Variants in SYNE2 observed in about 807,000 individuals in gnomAD.
The protein encoded by SYNE2 is nesprin-2.
Under a neutral mutation model 856.3 loss-of-function variants are expected in SYNE2, and 431 were observed. That is an observed-to-expected ratio of 0.50 (90% CI 0.47 to 0.55). The LOEUF (loss-of-function observed/expected upper bound fraction) is 0.55. SYNE2 is among the 20% of genes least tolerant of loss of function. The pLI is 0.00. For missense variants in SYNE2, 8,129 were observed against 8,023.2 expected, an observed-to-expected ratio of 1.01 and a Z score of -0.50; for synonymous variants, 2,923 against 2,872.3, an observed-to-expected ratio of 1.02 and a Z score of -0.56.
intron 97 of SYNE2, among the ~76,000 whole-genome samples, chr14:64,187,636 TCTC>T (rs2098498907): frequency 6.6e-6 from 1 of 152,164 alleles, no homozygotes; most frequent in African/African-American, 2.4e-5. Flanking sequence ...TTCAGTATTT[TCTC>T]CTCCGAAAAG....
Position 63,941,695 on chromosome 14 carries a change from C to G in SYNE2, c.142C>G (p.His48Asp). 6.2e-7 allele frequency: 1 copy of G among 1,613,520 alleles called. No individual in the cohort carries two copies. The highest frequency in any genetic ancestry group is 1.6e-4 in the Middle Eastern group (1 of 6,062). The change falls in exon 4 of 116, where the codon CAC becomes GAC. Residue 48 changes from histidine to aspartate, a missense_variant and splice_region_variant. His to Asp is a moderately conservative substitution (Grantham distance 81, BLOSUM62 -1). Coordinates refer to ENST00000555002, the MANE Select transcript of SYNE2 (RefSeq NM_182914.3). ...TCWINSQLAR[H>D]TSPSVISDLF... Reference sequence around the variant, plus strand: ...TTATTTTTCTTGTGACCTTCTGCAGCACACTTCTCCCTCAGTTATATCCGA... The same window carrying G: ...TTATTTTTCTTGTGACCTTCTGCAGGACACTTCTCCCTCAGTTATATCCGA...
intron 55 of SYNE2, among the ~76,000 whole-genome samples, chr14:64,079,359 A>G (rs1482574582): frequency 6.6e-6 from 1 of 152,250 alleles, no homozygotes; most frequent in Non-Finnish European, 1.5e-5. Flanking sequence ...ATTCGCAAGT[A>G]AACTCCAGCA....
intron 38 of SYNE2, 45 bp downstream of exon 38, chr14:64,022,908 A>G (rs1472763514): frequency 1.0e-6 from 1 of 982,426 alleles, no homozygotes; most frequent in Non-Finnish European, 1.6e-6. Context: ...TCAATACTAA[A>G]ATACTGGAGG....
intron 19 of SYNE2, among the ~76,000 whole-genome samples, chr14:63,988,494 A>G (rs1450359198): frequency 6.6e-6 from 1 of 152,242 alleles, no homozygotes; most frequent in Non-Finnish European, 1.5e-5. Context: ...TGATAAATGA[A>G]CATGCTAATT....
Position 64,007,769 on chromosome 14 carries a change from G to A in SYNE2, c.4577+547G>A, listed in dbSNP as rs114849312. Among the ~76,000 whole-genome samples, 1,487 of 152,170 alleles carry A rather than the reference G, an allele frequency of 9.8e-3. 27 individuals carry two copies. Among genetic ancestry groups the A allele is most frequent in the African/African-American group, 0.034 (1,404 of 41,504 alleles). ...CTCATGCCTGTAATCCCAGCACTTT[G>A]GGAGGCTGGGGTGGCCGGATCACCT... is the stretch of plus-strand genomic sequence containing the variant. On this transcript the variant is annotated intron_variant, in intron 31 of 115. Transcript: ENST00000555002.
intron 1 of SYNE2, among the ~76,000 whole-genome samples, chr14:63,859,427 A>G (rs185987009): frequency 8.2e-4 from 124 of 152,056 alleles, no homozygotes; most frequent in African/African-American, 3.0e-3. Flanking sequence ...CTTTTCTGAT[A>G]TAGGTGTTTA....
At chr14:64,176,609 G>A (rs1458833649) in intron 95 of SYNE2, among the ~76,000 whole-genome samples, 9 of 152,052 alleles carry the variant, frequency 5.9e-5, no homozygotes, top group Non-Finnish European at 1.5e-5. Flanking sequence ...AGACAAGGAA[G>A]GTGGCTGAGT....
rs1200421419 is a variant in SYNE2 at position 64,208,923 on chromosome 14, A to G, written c.18367A>G (p.Met6123Val). The change falls in exon 101 of 116, where the codon ATG becomes GTG. Residue 6123 changes from methionine (M) to valine (V), a missense_variant. By Grantham distance (21) the Met-to-Val change is conservative. This residue lies in a region of SYNE2 where 5,410 missense variants were observed against 5,284.8 expected (regional missense o/e 1.02). Coordinates refer to ENST00000555002, the MANE Select transcript of SYNE2 (RefSeq NM_182914.3). ...CAGACGCTGGAGGAACATTTGTGCC[A>G]TGTCCATGGAGCGGCGCATGAAGTA... ...LDRRWRNICA[M>V]SMERRMKIEE... 6.2e-6 allele frequency: 10 copies of G among 1,614,144 alleles called. No individual in the cohort carries two copies. The highest frequency in any genetic ancestry group is 8.5e-6 in the Non-Finnish European group (10 of 1,180,026).
At chr14:63,766,632 T>C (rs1886695990) in intron 1 of SYNE2, among the ~76,000 whole-genome samples, 1 of 152,210 alleles carries the variant, frequency 6.6e-6, no homozygotes. Flanking sequence ...CCATTAATTA[T>C]TCTTCTAGGT....
intron 1 of SYNE2, among the ~76,000 whole-genome samples, chr14:63,808,260 G>T (rs780675364): frequency 1.3e-5 from 2 of 151,678 alleles, no homozygotes; most frequent in Admixed American, 1.3e-4. Flanking sequence ...AATCTGCCTC[G>T]GGTGGATCAC....
chr14:63,866,059 T>C (rs1895234073), intron 1 of SYNE2, among the ~76,000 whole-genome samples: 1 of 152,174 alleles, frequency 6.6e-6, no homozygotes, highest in Non-Finnish European at 1.5e-5. Context: ...TCTCAAATCC[T>C]TCCCTGTAGA....
At chr14:64,189,017 A>AG (rs2098505077) in intron 98 of SYNE2, 1 of 702,136 alleles carries the variant, frequency 1.4e-6, no homozygotes, top group East Asian at 2.7e-5. Flanking sequence ...CAAGTGAGTT[A>AG]GGGTTTCTCT....
At chr14:63,825,405 A>T (rs780557471) in intron 1 of SYNE2, among the ~76,000 whole-genome samples, 1 of 152,186 alleles carries the variant, frequency 6.6e-6, no homozygotes, top group Non-Finnish European at 1.5e-5. Flanking sequence ...AGGTTGCAAG[A>T]TATAAGAGCA....
At chr14:63,950,771 C>G (rs2096140693) in intron 7 of SYNE2, among the ~76,000 whole-genome samples, 1 of 152,106 alleles carries the variant, frequency 6.6e-6, no homozygotes, top group African/African-American at 2.4e-5. Flanking sequence ...ATCCTTCCAC[C>G]TTAGCCTCCT....
In SYNE2 at chr14:63,940,379, T is replaced by C. The variant is rs2095895010; in HGVS notation, c.80-235T>C. ...TCCTAATTCTTTTATCAGTAAAAAA[T>C]ATTAAAAACCATTGTCTCGTCAACA... is the stretch of plus-strand genomic sequence containing the variant. On this transcript the variant is annotated intron_variant, in intron 2 of 115. Transcript: ENST00000555002. Among the ~76,000 whole-genome samples, 3 of 152,100 alleles carry C rather than the reference T, an allele frequency of 2.0e-5. No homozygotes were observed. The South Asian group carries it at 6.2e-4, about 32-fold the overall frequency.
At chr14:63,810,034 C>A (rs1224329666) in intron 1 of SYNE2, among the ~76,000 whole-genome samples, 1 of 151,824 alleles carries the variant, frequency 6.6e-6, no homozygotes, top group African/African-American at 2.4e-5. Context: ...TCAGCCTGGG[C>A]AACTTAGCCA....
intron 101 of SYNE2, 57 bp downstream of exon 101, chr14:64,209,002 C>T (rs1243195056): frequency 1.3e-6 from 2 of 1,571,346 alleles, no homozygotes; most frequent in Non-Finnish European, 1.7e-6. Context: ...TCAATACACC[C>T]TTCTGACCTC....
intron 1 of SYNE2, among the ~76,000 whole-genome samples, chr14:63,885,832 C>T (rs975981046): frequency 2.0e-5 from 3 of 152,172 alleles, no homozygotes; most frequent in South Asian, 2.1e-4. Context: ...ATTGACTACT[C>T]GCTGTGTGCC....
At chr14:64,021,734 A>G in intron 36 of SYNE2, 123 bp from the exon 37 acceptor site, 5 of 1,121,654 alleles carry the variant, frequency 4.5e-6, no homozygotes, top group Non-Finnish European at 6.6e-6. Flanking sequence ...ACTAGCAAAG[A>G]GAAAGTGAAT....
Sources: allele counts gnomAD v4.1 joint callset (sites outside exome capture counted in the v4.1 genomes callset), GRCh38; gene constraint gnomAD v4.1.1; regional missense constraint gnomAD v4.1.1; transcripts MANE v1.5; gene names NCBI Gene and HGNC (gene_info 2026-07-23, HGNC 2026-07-21).